The following PIWIL3 variants were observed in gnomAD, a reference collection of about 807,000 sequenced individuals.
The protein encoded by PIWIL3 is piwi like RNA-mediated gene silencing 3, also known as piwi-like protein 3.
PIWIL3 carries 101 observed loss-of-function variants against 109.7 expected under a neutral mutation model. The ratio of observed to expected loss-of-function variants is 0.92; its 90% CI spans 0.78 to 1.09. PIWIL3 has a LOEUF of 1.09. Ranked by LOEUF, PIWIL3 falls within the 50% of genes least tolerant of loss-of-function variation. PIWIL3 has a pLI of 0.00. For missense variants in PIWIL3, 1,031 were observed against 1,072.6 expected (o/e 0.96, Z 0.54); for synonymous variants, 373 against 376.4 (o/e 0.99, Z 0.10).
intron 19 of PIWIL3, among the ~76,000 whole-genome samples, chr22:24,721,200 A>G (rs1237117460): frequency 6.6e-6 from 1 of 152,204 alleles, no homozygotes; most frequent in African/African-American, 2.4e-5. Context: ...CCGGGTATCA[A>G]ATTCTAGCTT....
intron 4 of PIWIL3, among the ~76,000 whole-genome samples, chr22:24,756,968 A>T (rs1925073174): frequency 6.6e-6 from 1 of 151,176 alleles, no homozygotes; most frequent in South Asian, 2.1e-4. Flanking sequence ...AATCCCAGCT[A>T]CTCGGAAGGC....
intron 7 of PIWIL3, among the ~76,000 whole-genome samples, chr22:24,754,583 A>C (rs527578654): frequency 5.9e-5 from 9 of 152,338 alleles, no homozygotes; most frequent in African/African-American, 1.9e-4. Context: ...TGAATATCTC[A>C]AACGTTTATA....
chr22:24,756,915 T>C (rs1384623292), intron 4 of PIWIL3, among the ~76,000 whole-genome samples: 2 of 151,490 alleles, frequency 1.3e-5, no homozygotes, highest in African/African-American at 4.9e-5. Flanking sequence ...CCATATCTAC[T>C]AAAAATACAA....
At chr22:24,761,019 T>C (rs1452006543) in intron 2 of PIWIL3, among the ~76,000 whole-genome samples, 4 of 151,872 alleles carry the variant, frequency 2.6e-5, no homozygotes, top group Admixed American at 2.6e-4. Context: ...GGAGATAGGA[T>C]GAAAGCACAG....
intron 8 of PIWIL3, 30 bp from the exon 9 acceptor site, chr22:24,751,528 T>G (rs1401337734): frequency 6.3e-7 from 1 of 1,599,424 alleles, no homozygotes; most frequent in South Asian, 1.1e-5. Flanking sequence ...TGGTATTATT[T>G]GACTTATTCA....
intron 11 of PIWIL3, 111 bp from the exon 12 acceptor site, chr22:24,749,132 C>A: frequency 6.6e-6 from 6 of 905,954 alleles, no homozygotes; most frequent in Non-Finnish European, 1.0e-5. Flanking sequence ...TTGTCCGCAG[C>A]ATTGAGATGC....
At chr22:24,766,650 A>G (rs937862175) in intron 1 of PIWIL3, among the ~76,000 whole-genome samples, 14 of 152,104 alleles carry the variant, frequency 9.2e-5, no homozygotes, top group Admixed American at 3.3e-4. Context: ...AAAATCACCA[A>G]TTCTTTAATA....
intron 2 of PIWIL3, among the ~76,000 whole-genome samples, chr22:24,761,703 C>G (rs536115454): frequency 6.6e-6 from 1 of 151,150 alleles, no homozygotes; most frequent in African/African-American, 2.4e-5. Context: ...GGTTCAGATG[C>G]TCATGAGTGA....
rs368877673 is a variant in PIWIL3, at chr22:24,727,481, T to TCAA, written c.2009+466_2009+468dup. Among the ~76,000 whole-genome samples, 6 of 151,934 alleles carry TCAA rather than the reference T, an allele frequency of 3.9e-5. No individual in the cohort carries two copies. In the East Asian group the frequency reaches 7.7e-4, roughly 20 times the overall value. ...ATCAAGACTGGCCTGCAGCTGACGG[T>TCAA]CAACAACAACAACAACAAACAACAA... On this transcript the variant is annotated intron_variant, in intron 16 of 20. Coordinates refer to ENST00000616349, the MANE Select transcript of PIWIL3 (RefSeq NM_001255975.1).
intron 2 of PIWIL3, among the ~76,000 whole-genome samples, 161 bp from the exon 3 acceptor site, chr22:24,760,150 T>A (rs1346565566): frequency 1.3e-5 from 2 of 152,114 alleles, no homozygotes; most frequent in African/African-American, 4.8e-5. Context: ...TAGCACCTTG[T>A]GTGGTAATTG....
intron 1 of PIWIL3, among the ~76,000 whole-genome samples, chr22:24,771,171 G>T (rs1018776249): frequency 6.6e-6 from 1 of 151,972 alleles, no homozygotes; most frequent in Non-Finnish European, 1.5e-5. Context: ...TTTAAAGAAA[G>T]TTACTTTCCG....
At chr22:24,740,155 T>C (rs1333773396) in intron 12 of PIWIL3, among the ~76,000 whole-genome samples, 2 of 140,160 alleles carry the variant, frequency 1.4e-5, no homozygotes, top group East Asian at 4.4e-4. Context: ...GAGGTGGAGT[T>C]TGCAGCAAGC....
At chr22:24,756,470 T>C (rs1281697136) in intron 5 of PIWIL3, 21 bp downstream of exon 5, 8 of 1,593,408 alleles carry the variant, frequency 5.0e-6, no homozygotes, top group Middle Eastern at 2.0e-4. Flanking sequence ...CACAGGAAAA[T>C]GTGAAACAAC....
At chr22:24,730,750 G>T (rs1033585610) in intron 14 of PIWIL3, among the ~76,000 whole-genome samples, 2 of 152,080 alleles carry the variant, frequency 1.3e-5, no homozygotes, top group Non-Finnish European at 2.9e-5. Flanking sequence ...ATTTTAAATA[G>T]AATATTTGTA....
intron 18 of PIWIL3, among the ~76,000 whole-genome samples, chr22:24,724,162 C>A (rs944804378): frequency 6.6e-6 from 1 of 152,102 alleles, no homozygotes; most frequent in Non-Finnish European, 1.5e-5. Flanking sequence ...TCCCGGCGCT[C>A]CCCCACCCAT....
At chr22:24,770,675 A>AC (rs1269693256) in intron 1 of PIWIL3, among the ~76,000 whole-genome samples, 7 of 136,476 alleles carry the variant, frequency 5.1e-5, no homozygotes, top group Admixed American at 7.4e-5. Context: ...AAAAAAAAAA[A>AC]AAAACAAAAA....
rs967301393 is a variant in PIWIL3 at position 24,764,625 on chromosome 22, C to T, written c.-22-2104G>A. On this transcript the variant is annotated intron_variant, in intron 1 of 20. Transcript: ENST00000616349. ...TTTCTGTCATTCTTTTTGACCTTGC[C>T]GTGTGTGTGTGTGTGTGTGTGTGTG... Among the ~76,000 whole-genome samples, 380 of 134,700 alleles carry T rather than the reference C, an allele frequency of 2.8e-3. 3 individuals are homozygous for T. The highest frequency in any genetic ancestry group is 3.1e-3 in the Non-Finnish European group (196 of 64,140). The allele number at this position is 134,700 out of a possible 152,430, so 88.4% of individuals were successfully genotyped here.
rs527269521 is a variant in PIWIL3, at chr22:24,727,944, A to G, written c.2009+6T>C. 3.4e-5 allele frequency: 55 copies of G among 1,602,636 alleles called. No homozygotes were observed. Among genetic ancestry groups the G allele is most frequent in the East Asian group, 1.1e-4 (5 of 44,822 alleles). On this transcript the variant is annotated splice_donor_region_variant and intron_variant, in intron 16 of 20. Coordinates refer to ENST00000616349, the MANE Select transcript of PIWIL3 (RefSeq NM_001255975.1). ...TAACTAAACATGTCTACCAGAGCTT[A>G]CTTACTTTGTTAATTCAGCATTGGT...
chr22:24,749,091 A>G, intron 11 of PIWIL3, 70 bp from the exon 12 acceptor site: 1 of 1,227,210 alleles, frequency 8.1e-7, no homozygotes, highest in Non-Finnish European at 1.2e-6. Context: ...TGTGCAAGGC[A>G]ATTTCCTTCT....
Sources: gnomAD v4.1 joint callset for allele counts (sites outside exome capture counted in the v4.1 genomes callset) on GRCh38, gnomAD v4.1.1 for gene constraint, MANE v1.5 for transcripts, NCBI Gene and HGNC (gene_info 2026-07-23, HGNC 2026-07-21) for gene names.